Variants in PPARGC1A observed in about 807,000 individuals in gnomAD.
PPARGC1A encodes the protein peroxisome proliferator-activated receptor gamma coactivator 1-alpha.
Under a neutral mutation model 88.7 loss-of-function variants are expected in PPARGC1A, and 25 were observed. The ratio of observed to expected loss-of-function variants is 0.28; its 90% CI spans 0.21 to 0.39. The LOEUF (loss-of-function observed/expected upper bound fraction) is 0.39, where lower values mean the gene tolerates loss of function less well. Among genes scored for constraint, PPARGC1A ranks in the 10% least tolerant of loss-of-function variants. PPARGC1A has a pLI of 1.00. For missense variants in PPARGC1A, 880 were observed against 968.7 expected, an observed-to-expected ratio of 0.91 and a Z score of 1.22; for synonymous variants, 363 against 355.6, an observed-to-expected ratio of 1.02 and a Z score of -0.24.
At chr4:24,239,881 T>C in the PPARGC1A span, among the ~76,000 whole-genome samples, 54,826 of 151,800 alleles carry the variant, frequency 0.36, 10,120 homozygotes, top group East Asian at 0.5. Flanking sequence ...GTGTTGGCTA[T>C]AGAAAGAGGA....
chr4:24,448,973 T>C, the PPARGC1A span, among the ~76,000 whole-genome samples: 1 of 152,202 alleles, frequency 6.6e-6, no homozygotes, highest in Non-Finnish European at 1.5e-5. Flanking sequence ...TACAAGATTA[T>C]AGTTCCCCTT....
the PPARGC1A span, among the ~76,000 whole-genome samples, chr4:24,410,617 G>A: frequency 5.9e-5 from 9 of 152,194 alleles, no homozygotes; most frequent in Non-Finnish European, 1.0e-4. Context: ...ATCAGTGGTC[G>A]GGGTGAGGCT....
At chr4:23,935,694 T>C in the PPARGC1A span, among the ~76,000 whole-genome samples, 6 of 152,208 alleles carry the variant, frequency 3.9e-5, no homozygotes, top group African/African-American at 1.4e-4. Flanking sequence ...ATCTCTGTTT[T>C]ACATGTGAGA....
At chr4:23,916,854 G>A in the PPARGC1A span, among the ~76,000 whole-genome samples, 18 of 152,080 alleles carry the variant, frequency 1.2e-4, no homozygotes, top group African/African-American at 2.9e-4. Flanking sequence ...TTCTTTAACC[G>A]GCTGGAAGTG....
chr4:24,225,389 G>A, the PPARGC1A span, among the ~76,000 whole-genome samples: 1 of 152,052 alleles, frequency 6.6e-6, no homozygotes, highest in Non-Finnish European at 1.5e-5. Flanking sequence ...CTAACACGGT[G>A]AAACCCCGTC....
the PPARGC1A span, among the ~76,000 whole-genome samples, chr4:24,013,023 T>C: frequency 4.5e-4 from 68 of 152,130 alleles, no homozygotes; most frequent in Non-Finnish European, 7.4e-4. Context: ...CAATTAATCT[T>C]ATTAGAAAAC....
the PPARGC1A span, among the ~76,000 whole-genome samples, chr4:24,121,603 G>T: frequency 6.6e-6 from 1 of 152,166 alleles, no homozygotes; most frequent in East Asian, 1.9e-4. Context: ...CACACTTTCT[G>T]AACAACCACA....
At chr4:23,847,784 A>C (rs1728578042) in intron 2 of PPARGC1A, among the ~76,000 whole-genome samples, 1 of 152,224 alleles carries the variant, frequency 6.6e-6, no homozygotes, top group African/African-American at 2.4e-5. Context: ...ATACTGGAAA[A>C]AGCCTAAAAG....
the PPARGC1A span, among the ~76,000 whole-genome samples, chr4:24,418,362 A>G: frequency 6.6e-6 from 1 of 152,220 alleles, no homozygotes; most frequent in Non-Finnish European, 1.5e-5. Flanking sequence ...ATTAAACACC[A>G]TGGAATCTTC....
chr4:23,848,044 G>C (rs967773459), intron 2 of PPARGC1A, among the ~76,000 whole-genome samples: 1 of 151,968 alleles, frequency 6.6e-6, no homozygotes, highest in Non-Finnish European at 1.5e-5. Context: ...GTCTTCCCTG[G>C]GCCTTAATTT....
At chr4:23,819,990 G>T (rs955479882) in intron 7 of PPARGC1A, among the ~76,000 whole-genome samples, 1 of 152,102 alleles carries the variant, frequency 6.6e-6, no homozygotes, top group Admixed American at 6.6e-5. Flanking sequence ...ACAGCCGTTT[G>T]TCAATATTTA....
the PPARGC1A span, among the ~76,000 whole-genome samples, chr4:23,990,125 T>C: frequency 8.9e-5 from 13 of 146,722 alleles, no homozygotes; most frequent in Middle Eastern, 3.6e-3. Flanking sequence ...ATATACATTA[T>C]ATATTATTAA....
chr4:23,995,107 C>A, the PPARGC1A span, among the ~76,000 whole-genome samples: 3 of 152,132 alleles, frequency 2.0e-5, no homozygotes, highest in African/African-American at 7.2e-5. Flanking sequence ...CCCAGTGGTA[C>A]TGACTGTATC....
At chr4:24,396,357 G>A in the PPARGC1A span, among the ~76,000 whole-genome samples, 225 of 152,318 alleles carry the variant, frequency 1.5e-3, no homozygotes, top group Non-Finnish European at 2.2e-3. Context: ...GAGCTGGGGA[G>A]TGCTAGGCAA....
At chr4:24,022,569 A>G in the PPARGC1A span, among the ~76,000 whole-genome samples, 2 of 152,106 alleles carry the variant, frequency 1.3e-5, no homozygotes, top group African/African-American at 4.8e-5. Flanking sequence ...ATTCGTTGTG[A>G]TGGTGGTAAT....
the PPARGC1A span, among the ~76,000 whole-genome samples, chr4:24,087,590 C>A: frequency 1.3e-5 from 2 of 152,176 alleles, no homozygotes; most frequent in East Asian, 3.9e-4. Flanking sequence ...CCCTCCAAGT[C>A]CTCATGCAAG....
At chr4:24,170,508 CCTAA>C in the PPARGC1A span, among the ~76,000 whole-genome samples, 3 of 152,092 alleles carry the variant, frequency 2.0e-5, no homozygotes, top group African/African-American at 7.2e-5. Context: ...AGGGAGGGGG[CCTAA>C]CTAAGACTCT....
chr4:24,336,450 A>C, the PPARGC1A span, among the ~76,000 whole-genome samples: 1 of 152,214 alleles, frequency 6.6e-6, no homozygotes, highest in African/African-American at 2.4e-5. Context: ...ACTTACTGAA[A>C]ATACAGAAAA....
At chr4:23,891,676 A>G (rs1450597575), upstream of PPARGC1A, among the ~76,000 whole-genome samples, 1 of 152,204 alleles carries the variant, frequency 6.6e-6, no homozygotes, top group Non-Finnish European at 1.5e-5. Flanking sequence ...TACTGGGCAT[A>G]AAAAGGTGGC....
Sources: gnomAD v4.1 joint callset for allele counts (sites outside exome capture counted in the v4.1 genomes callset) on GRCh38, gnomAD v4.1.1 for gene constraint, MANE v1.5 for transcripts, NCBI Gene and HGNC (gene_info 2026-07-23, HGNC 2026-07-21) for gene names.